PRKN: variants seen among roughly 807,000 people sequenced by gnomAD.
PRKN encodes parkin RBR E3 ubiquitin protein ligase.
PRKN carries 56 observed loss-of-function variants against 59.5 expected under a neutral mutation model. The ratio of observed to expected loss-of-function variants is 0.94; its 90% CI spans 0.76 to 1.18. The LOEUF (loss-of-function observed/expected upper bound fraction) is 1.18, where lower values mean the gene tolerates loss of function less well. Among genes scored for constraint, PRKN ranks in the 50% most tolerant of loss-of-function variants. PRKN has a pLI of 0.00. For missense variants in PRKN, 657 were observed against 596.4 expected (o/e 1.10, Z -1.06); for synonymous variants, 250 against 222.1 (o/e 1.13, Z -1.12).
intron 7 of PRKN, among the ~76,000 whole-genome samples, chr6:161,759,236 T>A (rs1379186661): frequency 6.6e-6 from 1 of 152,060 alleles, no homozygotes; most frequent in African/African-American, 2.4e-5. Flanking sequence ...TCAAAATTCC[T>A]TCAAGTTGTG....
chr6:161,693,451 T>C (rs1317304225), intron 7 of PRKN, among the ~76,000 whole-genome samples: 1 of 152,170 alleles, frequency 6.6e-6, no homozygotes, highest in Non-Finnish European at 1.5e-5. Flanking sequence ...GTTTGGGCAC[T>C]TTTTTTATAT....
At chr6:161,398,024 G>A (rs2114972425) in intron 9 of PRKN, among the ~76,000 whole-genome samples, 1 of 152,302 alleles carries the variant, frequency 6.6e-6, no homozygotes, top group Middle Eastern at 3.4e-3. Context: ...GAGGGGGCAG[G>A]ATGGGAGTGA....
chr6:161,863,094 A>G (rs977114304), intron 6 of PRKN, among the ~76,000 whole-genome samples: 2 of 152,238 alleles, frequency 1.3e-5, no homozygotes, highest in Non-Finnish European at 2.9e-5. Flanking sequence ...CAATTGAAAG[A>G]GAGGCTTGAG....
chr6:161,973,227 A>AG (rs1250505262), intron 6 of PRKN, 75 bp downstream of exon 6: 5 of 930,892 alleles, frequency 5.4e-6, no homozygotes, highest in East Asian at 2.4e-5. Context: ...GAAAGTAAGG[A>AG]GGGGGGAGTG....
intron 3 of PRKN, among the ~76,000 whole-genome samples, chr6:162,203,755 C>T (rs946325457): frequency 6.6e-6 from 1 of 152,084 alleles, no homozygotes; most frequent in African/African-American, 2.4e-5. Context: ...TGAATCTCAC[C>T]CTTTCACTTG....
At chr6:162,222,349 G>A (rs767527831) in intron 3 of PRKN, among the ~76,000 whole-genome samples, 2 of 152,164 alleles carry the variant, frequency 1.3e-5, no homozygotes, top group Non-Finnish European at 2.9e-5. Flanking sequence ...CCCAATCAGA[G>A]AAGCTCCCAT....
At chr6:161,380,046 G>A (rs568293444) in intron 10 of PRKN, among the ~76,000 whole-genome samples, 9 of 152,224 alleles carry the variant, frequency 5.9e-5, no homozygotes, top group Admixed American at 1.3e-4. Flanking sequence ...TCCTGGCTCC[G>A]TCTCCAGCCT....
intron 6 of PRKN, among the ~76,000 whole-genome samples, chr6:161,926,566 T>C (rs1352088481): frequency 6.6e-6 from 1 of 152,186 alleles, no homozygotes; most frequent in Non-Finnish European, 1.5e-5. Context: ...GAGTTCTTAA[T>C]ACATCGACCC....
intron 1 of PRKN, among the ~76,000 whole-genome samples, chr6:162,487,483 T>C (rs1387026531): frequency 6.6e-6 from 1 of 152,186 alleles, no homozygotes; most frequent in Non-Finnish European, 1.5e-5. Flanking sequence ...ACGCTCCCTG[T>C]CATCACTTTT....
intron 7 of PRKN, among the ~76,000 whole-genome samples, chr6:161,621,998 T>C (rs1304490610): frequency 2.6e-5 from 4 of 152,166 alleles, no homozygotes; most frequent in African/African-American, 9.7e-5. Context: ...GAGGATGCCT[T>C]ACCACGTGTA....
At chr6:162,363,088 A>ACTG (rs1027069959) in intron 2 of PRKN, among the ~76,000 whole-genome samples, 3 of 141,932 alleles carry the variant, frequency 2.1e-5, no homozygotes, top group Non-Finnish European at 4.5e-5. Context: ...AGATCACACC[A>ACTG]CTGCACTCCA....
intron 2 of PRKN, among the ~76,000 whole-genome samples, chr6:162,415,896 G>C (rs1788606306): frequency 6.6e-6 from 1 of 152,168 alleles, no homozygotes; most frequent in South Asian, 2.1e-4. Context: ...ACTAATGGGA[G>C]ATCTTCATAG....
chr6:162,060,205 T>C (rs999352932), intron 4 of PRKN, among the ~76,000 whole-genome samples: 6 of 152,336 alleles, frequency 3.9e-5, no homozygotes, highest in African/African-American at 1.4e-4. Flanking sequence ...CATATGTTTG[T>C]ATGAGTAGGT....
At chr6:162,391,758 A>G (rs1296162405) in intron 2 of PRKN, among the ~76,000 whole-genome samples, 1 of 152,188 alleles carries the variant, frequency 6.6e-6, no homozygotes, top group Non-Finnish European at 1.5e-5. Context: ...CCTTTCACAC[A>G]GCCCTCCTGG....
chr6:161,958,764 C>T (rs1444172755), intron 6 of PRKN, among the ~76,000 whole-genome samples: 4 of 152,060 alleles, frequency 2.6e-5, no homozygotes, highest in African/African-American at 9.6e-5. Flanking sequence ...TCTGTAATCC[C>T]AGCTACTTGG....
At chr6:162,333,477 T>C (rs1292950730) in intron 2 of PRKN, among the ~76,000 whole-genome samples, 2 of 152,192 alleles carry the variant, frequency 1.3e-5, no homozygotes, top group Non-Finnish European at 2.9e-5. Context: ...ACTTTTCCAC[T>C]ATCATTATAT....
intron 9 of PRKN, among the ~76,000 whole-genome samples, chr6:161,422,685 G>A (rs1209813591): frequency 6.6e-6 from 1 of 151,856 alleles, no homozygotes; most frequent in Non-Finnish European, 1.5e-5. Flanking sequence ...GAGGAAAATA[G>A]GAAGGAAAAA....
At chr6:162,015,213 TA>T (rs1424408073) in intron 5 of PRKN, among the ~76,000 whole-genome samples, 1 of 152,130 alleles carries the variant, frequency 6.6e-6, no homozygotes, top group Non-Finnish European at 1.5e-5. Context: ...AACAAATCGC[TA>T]AACTGTGGCA....
At chr6:162,404,514 T>C (rs1583513525) in intron 2 of PRKN, among the ~76,000 whole-genome samples, 1 of 152,264 alleles carries the variant, frequency 6.6e-6, no homozygotes, top group East Asian at 1.9e-4. Flanking sequence ...TTCCAAATAG[T>C]ACACTCATAT....
Sources: gnomAD v4.1 joint callset for allele counts (sites outside exome capture counted in the v4.1 genomes callset) on GRCh38, gnomAD v4.1.1 for gene constraint, MANE v1.5 for transcripts, NCBI Gene and HGNC (gene_info 2026-07-23, HGNC 2026-07-21) for gene names.